RTL10: variants seen among roughly 807,000 people sequenced by gnomAD.
The protein encoded by RTL10 is retrotransposon Gag like 10, also known as protein Bop.
For missense variants in RTL10, 477 were observed against 470.7 expected, an observed-to-expected ratio of 1.01 and a Z score of -0.12; for synonymous variants, 199 against 188.4, an observed-to-expected ratio of 1.06 and a Z score of -0.46.
At position 19,849,540 on chromosome 22, in the gene RTL10, G is replaced by C. The variant is rs367815943; in HGVS notation, c.*1627C>G. 8.3e-6 allele frequency: 3 copies of C among 361,840 alleles called. No homozygotes were observed. The highest frequency in any genetic ancestry group is 4.4e-5 in the African/African-American group (2 of 44,948). 22.4% of individuals were successfully genotyped at this position (361,840 alleles called of 1,614,324 possible). A position where few individuals can be genotyped will look rare whatever the true frequency, so the allele number is the denominator to read the frequency against. ...TGCACCACCACACTTGGCTAATTTT[G>C]TATTTTTAGGAGAGATGGATTTCTC... On this transcript the variant is annotated 3_prime_UTR_variant, in exon 3 of 3. Coordinates refer to ENST00000328554, the MANE Select transcript of RTL10 (RefSeq NM_024627.6).
In RTL10 at chr22:19,851,867, T is replaced by C; in HGVS notation, c.395A>G (p.Tyr132Cys). 1 of 1,613,956 alleles carries C rather than the reference T, an allele frequency of 6.2e-7. No individual in the cohort carries two copies. Among genetic ancestry groups the C allele is most frequent in the Non-Finnish European group, 8.5e-7 (1 of 1,180,020 alleles). The change falls in exon 3 of 3, where the codon TAT (tyrosine) becomes TGT (cysteine). Residue 132 changes from tyrosine to cysteine, a missense_variant. Transcript: ENST00000328554. ...GDYMSFHFEH[Y>C]QDNISRVCEI... ...GCAGACACGGCTGATGTTGTCCTGATAGTGCTCAAAGTGGAAGGACATGTA... is the reference window on the plus strand; with the variant it reads ...GCAGACACGGCTGATGTTGTCCTGACAGTGCTCAAAGTGGAAGGACATGTA...
Position 19,851,971 on chromosome 22 carries a change from G to A in RTL10, c.291C>T (p.Cys97=), listed in dbSNP as rs764052748. The change falls in exon 3 of 3, where the codon TGC becomes TGT. Residue 97 remains cysteine (C), a synonymous_variant. Coordinates refer to ENST00000328554, the MANE Select transcript of RTL10 (RefSeq NM_024627.6). The part of the protein sequence containing the change: ...PSSRPHRVDF[C]WVPGSDPGTF... ...TGCCTGGGTCTGAGCCTGGTACCCA[G>A]CAGAAGTCCACCCTGTGGGGTCGGG... 15 of 1,614,112 alleles carry A rather than the reference G, an allele frequency of 9.3e-6. No homozygotes were observed. In the Admixed American group the frequency reaches 2.5e-4, roughly 27 times the overall value.
At position 19,849,703 on chromosome 22, in the gene RTL10, A is replaced by C; in HGVS notation, c.*1464T>G. ...AAGTTTAATCAGATGCTTGCTAATT[A>C]GTTTTTCCTAAAATAGTTGGCTGTA... On this transcript the variant is annotated 3_prime_UTR_variant, in exon 3 of 3. Transcript: ENST00000328554. The C allele has an allele frequency of 1.0e-6, 1 of 985,370 alleles. No individual in the cohort carries two copies. The highest frequency in any genetic ancestry group is 1.7e-5 in the African/African-American group (1 of 57,358). 61.0% of individuals were successfully genotyped at this position (985,370 alleles called of 1,614,324 possible).
Position 19,847,491 on chromosome 22 carries a change from C to G in RTL10, c.*3676G>C, listed in dbSNP as rs373240298. 3.7e-4 allele frequency: 361 copies of G among 985,442 alleles called. 2 individuals carry two copies. In the East Asian group the frequency reaches 0.016, roughly 45 times the overall value. The allele number at this position is 985,442 out of a possible 1,614,324, so 61.0% of individuals were successfully genotyped here. A position where few individuals can be genotyped will look rare whatever the true frequency, so the allele number is the denominator to read the frequency against. Reference sequence around the variant, plus strand: ...ATCATTCTCATTCAACCCTTCTAACCACCCCATGAGGAAAAACTCTGGTCA... The same window carrying G: ...ATCATTCTCATTCAACCCTTCTAACGACCCCATGAGGAAAAACTCTGGTCA... On this transcript the variant is annotated 3_prime_UTR_variant, in exon 3 of 3. Coordinates refer to ENST00000328554, the MANE Select transcript of RTL10 (RefSeq NM_024627.6).
rs1239970011 is a variant in RTL10 at position 19,851,863 on chromosome 22, C to T, written c.399G>A (p.Gln133=). 3.7e-6 allele frequency: 6 copies of T among 1,613,832 alleles called. No individual in the cohort carries two copies. Among genetic ancestry groups the T allele is most frequent in the East Asian group, 2.2e-5 (1 of 44,894 alleles). The change falls in exon 3 of 3, where the codon CAG becomes CAA. Residue 133 remains glutamine (Q), a synonymous_variant. Coordinates refer to ENST00000328554, the MANE Select transcript of RTL10 (RefSeq NM_024627.6). ...DYMSFHFEHY[Q]DNISRVCEIL... ...TCTCGCAGACACGGCTGATGTTGTC[C>T]TGATAGTGCTCAAAGTGGAAGGACA...
In RTL10 at chr22:19,851,672, G is replaced by C; in HGVS notation, c.590C>G (p.Pro197Arg). 1 of 1,596,020 alleles carries C rather than the reference G, an allele frequency of 6.3e-7. No homozygotes were observed. Among genetic ancestry groups the C allele is most frequent in the Non-Finnish European group, 8.6e-7 (1 of 1,168,954 alleles). The stretch of plus-strand genomic sequence containing the variant: ...CACTGGCAGCTGGCTGGAGGCCAGG[G>C]GCAGGGGACAGGTAACCACAGCATG... ...EYHAVVTCPLPLASSQLPVAP... is the reference protein window; with the variant it reads ...EYHAVVTCPLRLASSQLPVAP... The change falls in exon 3 of 3, where the codon CCC becomes CGC. Residue 197 changes from proline (P) to arginine (R), a missense_variant. Pro to Arg is a moderately radical substitution (Grantham distance 103, BLOSUM62 -2). Transcript: ENST00000328554.
Position 19,848,381 on chromosome 22 carries a change from C to G in RTL10, c.*2786G>C, listed in dbSNP as rs910034086. On this transcript the variant is annotated 3_prime_UTR_variant, in exon 3 of 3. Transcript: ENST00000328554. ...GTGTGTGGGGGCCAGAAGAGAAAAACAACCCAGGGGGAATGCCTCCTTCCC... is the reference window on the plus strand; with the variant it reads ...GTGTGTGGGGGCCAGAAGAGAAAAAGAACCCAGGGGGAATGCCTCCTTCCC... 1 of 985,448 alleles carries G rather than the reference C, an allele frequency of 1.0e-6. No individual in the cohort carries two copies. Among genetic ancestry groups the G allele is most frequent in the African/African-American group, 1.7e-5 (1 of 57,362 alleles). The allele number at this position is 985,448 out of a possible 1,614,324, so 61.0% of individuals were successfully genotyped here. A position where few individuals can be genotyped will look rare whatever the true frequency, so the allele number is the denominator to read the frequency against.
intron 2 of RTL10, among the ~76,000 whole-genome samples, chr22:19,853,897 G>A (rs914969096): frequency 5.9e-5 from 9 of 152,176 alleles, no homozygotes; most frequent in African/African-American, 2.2e-4. Flanking sequence ...AGGTATCCAG[G>A]TTGCCCACAA....
Position 19,846,868 on chromosome 22 carries a change from T to C in RTL10, c.*4299A>G. On this transcript the variant is annotated 3_prime_UTR_variant, in exon 3 of 3. Coordinates refer to ENST00000328554, the MANE Select transcript of RTL10 (RefSeq NM_024627.6). ...AGAATCATGAGGAAATGTCTGTTGT[T>C]TAAGTCCCCTAGCCTGCGGTCCTTT... 1.1e-6 allele frequency: 1 copy of C among 934,858 alleles called. No individual in the cohort carries two copies. The highest frequency in any genetic ancestry group is 1.3e-6 in the Non-Finnish European group (1 of 783,738). 57.9% of individuals were successfully genotyped at this position (934,858 alleles called of 1,614,324 possible).
Position 19,849,315 on chromosome 22 carries a change from AC to A in RTL10, c.*1851del, listed in dbSNP as rs1320788100. On this transcript the variant is annotated 3_prime_UTR_variant, in exon 3 of 3. Transcript: ENST00000328554. The stretch of plus-strand genomic sequence containing the variant: ...CCCAGAGCCTTTTCTAGTGATAGTT[AC>A]CATAAAATAATCCCAACAATTTATA... 1.7e-5 allele frequency: 17 copies of A among 977,916 alleles called. No homozygotes were observed. The highest frequency in any genetic ancestry group is 1.8e-5 in the African/African-American group (1 of 56,664). 60.6% of individuals were successfully genotyped at this position (977,916 alleles called of 1,614,324 possible).
chr22:19,852,282 G>A lies in RTL10; in HGVS notation c.-21C>T, dbSNP rs940379349. 5 of 1,583,900 alleles carry A rather than the reference G, an allele frequency of 3.2e-6. No individual in the cohort carries two copies. Among genetic ancestry groups the A allele is most frequent in the African/African-American group, 2.7e-5 (2 of 74,504 alleles). ...GGCATGCTGGGAGCACAGGGGAGAA[G>A]AGAGGAGAGCCAGCACTGGTGGGTG... is the stretch of plus-strand genomic sequence containing the variant. On this transcript the variant is annotated 5_prime_UTR_variant, in exon 3 of 3. Coordinates refer to ENST00000328554, the MANE Select transcript of RTL10 (RefSeq NM_024627.6).
chr22:19,848,149 C>A lies in RTL10; in HGVS notation c.*3018G>T. The A allele has an allele frequency of 1.0e-6, 1 of 985,314 alleles. No homozygotes were observed. Among genetic ancestry groups the A allele is most frequent in the Non-Finnish European group, 1.2e-6 (1 of 829,854 alleles). The allele number at this position is 985,314 out of a possible 1,614,324, so 61.0% of individuals were successfully genotyped here. A position where few individuals can be genotyped will look rare whatever the true frequency, so the allele number is the denominator to read the frequency against. ...TTAGTACTTCCTATTTTAAAGTTTTCCTTGCAGACAGGTACTTTAAATACC... is the reference window on the plus strand; with the variant it reads ...TTAGTACTTCCTATTTTAAAGTTTTACTTGCAGACAGGTACTTTAAATACC... On this transcript the variant is annotated 3_prime_UTR_variant, in exon 3 of 3. Transcript: ENST00000328554.
intron 2 of RTL10, among the ~76,000 whole-genome samples, chr22:19,854,119 C>A (rs13057784): frequency 0.049 from 7,400 of 152,290 alleles, 192 homozygotes; most frequent in Non-Finnish European, 0.064. Flanking sequence ...CTTAGCCCTC[C>A]CACGCCTATC....
chr22:19,846,407 C>A lies in RTL10; in HGVS notation c.*4760G>T, dbSNP rs773276569. ...CCCATACAGCACAACTGGGCACTGCCTACTCAACAGCCAAGGCTTGGCCAT... is the reference window on the plus strand; with the variant it reads ...CCCATACAGCACAACTGGGCACTGCATACTCAACAGCCAAGGCTTGGCCAT... On this transcript the variant is annotated 3_prime_UTR_variant, in exon 3 of 3. Coordinates refer to ENST00000328554, the MANE Select transcript of RTL10 (RefSeq NM_024627.6). 1.6e-4 allele frequency: 157 copies of A among 985,016 alleles called. No homozygotes were observed. The highest frequency in any genetic ancestry group is 1.8e-4 in the Non-Finnish European group (153 of 829,636). The allele number at this position is 985,016 out of a possible 1,614,324, so 61.0% of individuals were successfully genotyped here. A position where few individuals can be genotyped will look rare whatever the true frequency, so the allele number is the denominator to read the frequency against.
In RTL10 at chr22:19,848,061, C is replaced by T. The variant is rs1002046543; in HGVS notation, c.*3106G>A. Reference sequence around the variant, plus strand: ...CCTCTATTCTCTGCTCATCTGTCCACATCTAAGTGCTTTAACTATTGTGGC... The same window carrying T: ...CCTCTATTCTCTGCTCATCTGTCCATATCTAAGTGCTTTAACTATTGTGGC... On this transcript the variant is annotated 3_prime_UTR_variant, in exon 3 of 3. Coordinates refer to ENST00000328554, the MANE Select transcript of RTL10 (RefSeq NM_024627.6). The T allele has an allele frequency of 7.1e-6, 7 of 985,312 alleles. No homozygotes were observed. Among genetic ancestry groups the T allele is most frequent in the Non-Finnish European group, 8.4e-6 (7 of 829,918 alleles). The allele number at this position is 985,312 out of a possible 1,614,324, so 61.0% of individuals were successfully genotyped here. A position where few individuals can be genotyped will look rare whatever the true frequency, so the allele number is the denominator to read the frequency against.
chr22:19,846,832 C>A lies in RTL10; in HGVS notation c.*4335G>T. 2.5e-6 allele frequency: 2 copies of A among 810,012 alleles called. No homozygotes were observed. Among genetic ancestry groups the A allele is most frequent in the Non-Finnish European group, 1.5e-6 (1 of 669,798 alleles). The allele number at this position is 810,012 out of a possible 1,614,324, so 50.2% of individuals were successfully genotyped here. Reference sequence around the variant, plus strand: ...ACCCTGCCCACACCTTGATCTCAGGCTTCTAGCTCCAGAATCATGAGGAAA... The same window carrying A: ...ACCCTGCCCACACCTTGATCTCAGGATTCTAGCTCCAGAATCATGAGGAAA... On this transcript the variant is annotated 3_prime_UTR_variant, in exon 3 of 3. Transcript: ENST00000328554.
Position 19,849,048 on chromosome 22 carries a change from T to C in RTL10, c.*2119A>G, listed in dbSNP as rs1938031410. ...AAAAGGGGGGATGGGGCCTGAGTCA[T>C]CGGACGGAGGGCAGCTGTGACCTGG... is the stretch of plus-strand genomic sequence containing the variant. On this transcript the variant is annotated 3_prime_UTR_variant, in exon 3 of 3. Transcript: ENST00000328554. The C allele has an allele frequency of 1.1e-5, 11 of 985,310 alleles. No individual in the cohort carries two copies. Among genetic ancestry groups the C allele is most frequent in the Non-Finnish European group, 1.2e-5 (10 of 829,968 alleles). 61.0% of individuals were successfully genotyped at this position (985,310 alleles called of 1,614,324 possible). A position where few individuals can be genotyped will look rare whatever the true frequency, so the allele number is the denominator to read the frequency against.
chr22:19,848,603 C>A lies in RTL10; in HGVS notation c.*2564G>T. The A allele has an allele frequency of 5.1e-6, 5 of 985,502 alleles. No individual in the cohort carries two copies. Among genetic ancestry groups the A allele is most frequent in the Non-Finnish European group, 6.0e-6 (5 of 829,986 alleles). The allele number at this position is 985,502 out of a possible 1,614,324, so 61.0% of individuals were successfully genotyped here. A position where few individuals can be genotyped will look rare whatever the true frequency, so the allele number is the denominator to read the frequency against. ...GCCCTACCTTCCTTTCTGGGCAGAG[C>A]CCAACCACAATAAACAGGACGCGTT... On this transcript the variant is annotated 3_prime_UTR_variant, in exon 3 of 3. Coordinates refer to ENST00000328554, the MANE Select transcript of RTL10 (RefSeq NM_024627.6).
rs1268717459 is a variant in RTL10 at position 19,851,924 on chromosome 22, A to G, written c.338T>C (p.Leu113Pro). Residue 113 changes from leucine to proline, a missense_variant, in exon 3 of 3, where the codon CTA (leucine) becomes CCA (proline). Leu to Pro is a moderately conservative substitution (Grantham distance 98). Transcript: ENST00000328554. ...DPGTFDGSPW[L>P]LDRFLAQLGD... ...CAGCTGGGCCAAGAAGCGGTCCAGT[A>G]GCCACGGGGAGCCATCAAAGGTGCC... The G allele has an allele frequency of 2.5e-6, 4 of 1,614,018 alleles. No individual in the cohort carries two copies. In the African/African-American group the frequency reaches 4.0e-5, roughly 16 times the overall value.
Sources: allele counts gnomAD v4.1 joint callset (sites outside exome capture counted in the v4.1 genomes callset), GRCh38; gene constraint gnomAD v4.1.1; transcripts MANE v1.5; gene names NCBI Gene and HGNC (gene_info 2026-07-23, HGNC 2026-07-21).